TNNT2: variants seen among roughly 807,000 people sequenced by gnomAD.
TNNT2 encodes the protein troponin T2, cardiac type, also known as troponin T, cardiac muscle.
Under a neutral mutation model 62.4 loss-of-function variants are expected in TNNT2, and 34 were observed. The observed-to-expected ratio is 0.54, with a 90% confidence interval of 0.41 to 0.72. The LOEUF (loss-of-function observed/expected upper bound fraction) is 0.72, where lower values mean the gene tolerates loss of function less well. Among genes scored for constraint, TNNT2 ranks in the 30% least tolerant of loss-of-function variants. The pLI, the probability that TNNT2 is intolerant of heterozygous loss-of-function variation, is 0.00. For missense variants in TNNT2, 275 were observed against 381.9 expected (o/e 0.72, Z 2.33); for synonymous variants, 123 against 127.2 (o/e 0.97, Z 0.22).
chr1:201,369,941 G>T, intron 4 of TNNT2, 96 bp from the exon 5 acceptor site: 1 of 1,406,124 alleles, frequency 7.1e-7, no homozygotes, highest in East Asian at 2.3e-5. Context: ...CCAGCGCAGT[G>T]GTTTTAAGAG....
chr1:201,365,253 C>T lies in TNNT2; in HGVS notation c.349G>A (p.Glu117Lys), dbSNP rs730881099. ...KDLNELQALI[E>K]AHFENRKKEE... The stretch of plus-strand genomic sequence containing the variant: ...TTCTTCCTGTTCTCAAAGTGAGCCT[C>T]GATCAGCGCCTGCAACTCATTCAGG... The change falls in exon 10 of 17, where the codon GAG (glutamate) becomes AAG (lysine). Residue 117 changes from glutamate (E) to lysine (K), a missense_variant. By Grantham distance (56) the Glu-to-Lys change is moderately conservative. Coordinates refer to ENST00000656932, the MANE Select transcript of TNNT2 (RefSeq NM_001276345.2). 1 of 1,614,066 alleles carries T rather than the reference C, an allele frequency of 6.2e-7. No individual in the cohort carries two copies. The highest frequency in any genetic ancestry group is 1.3e-5 in the African/African-American group (1 of 74,918).
chr1:201,370,600 G>A (rs533382253), intron 4 of TNNT2, among the ~76,000 whole-genome samples: 10 of 152,338 alleles, frequency 6.6e-5, no homozygotes, highest in Admixed American at 3.9e-4. Context: ...CCATCTAGAC[G>A]TTGCTCTCTC....
chr1:201,376,493 G>A (rs895638051), intron 1 of TNNT2, among the ~76,000 whole-genome samples: 1 of 152,112 alleles, frequency 6.6e-6, no homozygotes, highest in Admixed American at 6.5e-5. Context: ...CCAGGAGAGC[G>A]GGGGTAAGGG....
chr1:201,365,781 C>T (rs963541430), intron 8 of TNNT2, 111 bp from the exon 9 acceptor site: 10 of 1,552,946 alleles, frequency 6.4e-6, no homozygotes, highest in Middle Eastern at 1.7e-4. Flanking sequence ...AGCACTGCCC[C>T]GACCAACCAC....
At position 201,365,621 on chromosome 1, in the gene TNNT2, C is replaced by A. The variant is rs1659515084; in HGVS notation, c.283G>T (p.Val95Leu). The change falls in exon 9 of 17, where the codon GTG becomes TTG. Residue 95 changes from valine to leucine, a missense_variant. Val to Leu is a conservative substitution (Grantham distance 32, BLOSUM62 1). Coordinates refer to ENST00000656932, the MANE Select transcript of TNNT2 (RefSeq NM_001276345.2). ...VPPKIPDGER[V>L]DFDDIHRKRM... Reference sequence around the variant, plus strand: ...CAGCCACCGCTTACATCAAAGTCCACTCTCTCTCCATCGGGGATCTTGGGA... The same window carrying A: ...CAGCCACCGCTTACATCAAAGTCCAATCTCTCTCCATCGGGGATCTTGGGA... 2 of 1,614,030 alleles carry A rather than the reference C, an allele frequency of 1.2e-6. No homozygotes were observed. Among genetic ancestry groups the A allele is most frequent in the East Asian group, 4.5e-5 (2 of 44,882 alleles).
At chr1:201,359,455 G>T (rs1261447961) in intron 16 of TNNT2, among the ~76,000 whole-genome samples, 168 bp downstream of exon 16, 1 of 152,056 alleles carries the variant, frequency 6.6e-6, no homozygotes, top group African/African-American at 2.4e-5. Flanking sequence ...AGAGGCCACA[G>T]GGAGAGAAGC....
At position 201,365,276 on chromosome 1, in the gene TNNT2, A is replaced by G; in HGVS notation, c.326T>C (p.Leu109Pro). Residue 109 changes from leucine to proline, a missense_variant, in exon 10 of 17, where the codon CTG becomes CCG. Physicochemically the swap from Leu to Pro is moderately conservative, Grantham distance 98 (BLOSUM62 -3). Transcript: ENST00000656932. Reference protein sequence around the residue: ...DIHRKRMEKDLNELQALIEAH... With the variant: ...DIHRKRMEKDPNELQALIEAH... ...CTCGATCAGCGCCTGCAACTCATTC[A>G]GGTCCTTCTCCATGCGCTTCCGGTG... 6.2e-7 allele frequency: 1 copy of G among 1,614,172 alleles called. No individual in the cohort carries two copies. Among genetic ancestry groups the G allele is most frequent in the Non-Finnish European group, 8.5e-7 (1 of 1,180,018 alleles).
rs139705141 is a variant in TNNT2 at position 201,373,245 on chromosome 1, T to C, written c.10A>G (p.Ile4Val). Residue 4 changes from isoleucine to valine, a missense_variant, in exon 2 of 17, where the codon ATA becomes GTA. Physicochemically the swap from Ile to Val is conservative, Grantham distance 29. Coordinates refer to ENST00000656932, the MANE Select transcript of TNNT2 (RefSeq NM_001276345.2). ...TCGTACTCTTCCACCACCTCTTCTA[T>C]GTCAGACATGGTCTCTGCTCTCCCT... is the stretch of plus-strand genomic sequence containing the variant. MSD[I>V]EEVVEEYEEE... 1 of 1,614,128 alleles carries C rather than the reference T, an allele frequency of 6.2e-7. No individual in the cohort carries two copies. The highest frequency in any genetic ancestry group is 1.3e-5 in the African/African-American group (1 of 75,036).
At chr1:201,363,713 G>C (rs549885986) in intron 11 of TNNT2, 7 of 427,104 alleles carry the variant, frequency 1.6e-5, no homozygotes, top group Non-Finnish European at 2.6e-5. Context: ...AGAGAGCTAC[G>C]GGGCCTTCGG....
chr1:201,365,531 A>G, intron 9 of TNNT2, 79 bp downstream of exon 9: 2 of 1,515,256 alleles, frequency 1.3e-6, no homozygotes, highest in Non-Finnish European at 1.8e-6. Flanking sequence ...CCCCAGCCCA[A>G]GGTCACAAAA....
In TNNT2 at chr1:201,362,544, T is replaced by C; in HGVS notation, c.601-150A>G. The C allele has an allele frequency of 3.0e-6, 3 of 1,010,188 alleles. 1 individual carries two copies. In the South Asian group the frequency reaches 4.7e-5, roughly 16 times the overall value. 62.6% of individuals were successfully genotyped at this position (1,010,188 alleles called of 1,614,324 possible). ...GTAGTCAGCCGGGTTTACTAGGACG[T>C]GGGTCTGAGGGTTACAGCAGGGGCT... On this transcript the variant is annotated intron_variant, in intron 12 of 16. Coordinates refer to ENST00000656932, the MANE Select transcript of TNNT2 (RefSeq NM_001276345.2).
chr1:201,370,150 G>T (rs1392963073), intron 4 of TNNT2, among the ~76,000 whole-genome samples: 8 of 152,380 alleles, frequency 5.3e-5, no homozygotes, highest in African/African-American at 1.9e-4. Flanking sequence ...CACAAGAGGA[G>T]CATGCGATCT....
chr1:201,366,784 T>A, intron 8 of TNNT2, 54 bp downstream of exon 8: 1 of 1,613,738 alleles, frequency 6.2e-7, no homozygotes, highest in Non-Finnish European at 8.5e-7. Flanking sequence ...TCCATCATCA[T>A]CCTCTCTCCC....
At chr1:201,371,895 A>G (rs1660659075) in intron 4 of TNNT2, 132 bp downstream of exon 4, 1 of 1,209,764 alleles carries the variant, frequency 8.3e-7, no homozygotes, top group Non-Finnish European at 1.2e-6. Flanking sequence ...TTTAGAAGGC[A>G]CTGTTGTTGG....
chr1:201,367,001 G>A (rs1481986426), intron 7 of TNNT2, 130 bp from the exon 8 acceptor site: 1 of 1,494,518 alleles, frequency 6.7e-7, no homozygotes, highest in African/African-American at 1.4e-5. Flanking sequence ...CCCGGCACTG[G>A]GGAGCCCTGA....
At position 201,377,620 on chromosome 1, in the gene TNNT2, T is replaced by C. The variant is rs1661586356; in HGVS notation, c.-15+3A>G. On this transcript the variant is annotated splice_donor_region_variant and intron_variant, in intron 1 of 16. Coordinates refer to ENST00000656932, the MANE Select transcript of TNNT2 (RefSeq NM_001276345.2). The stretch of plus-strand genomic sequence containing the variant: ...CTTCCCCAGAGCCCTGCCCGAGCCT[T>C]ACCTCAGAACAGCAGCTGCCGACAG... 2.2e-6 allele frequency: 1 copy of C among 456,138 alleles called. No individual in the cohort carries two copies. The highest frequency in any genetic ancestry group is 2.0e-5 in the African/African-American group (1 of 50,060). The allele number at this position is 456,138 out of a possible 1,614,324, so 28.3% of individuals were successfully genotyped here. A position where few individuals can be genotyped will look rare whatever the true frequency, so the allele number is the denominator to read the frequency against.
chr1:201,361,875 G>T, intron 14 of TNNT2, 38 bp downstream of exon 14: 1 of 1,580,680 alleles, frequency 6.3e-7, no homozygotes, highest in South Asian at 1.1e-5. Context: ...CAGAGCAGAT[G>T]CGGGCAGTGC....
chr1:201,364,182 C>T, intron 11 of TNNT2, 116 bp downstream of exon 11: 2 of 1,174,770 alleles, frequency 1.7e-6, no homozygotes, highest in Non-Finnish European at 2.4e-6. Flanking sequence ...CCGCACCCGG[C>T]CAATATTGTC....
At chr1:201,367,006 C>T in intron 7 of TNNT2, 135 bp from the exon 8 acceptor site, 1 of 1,458,260 alleles carries the variant, frequency 6.9e-7, no homozygotes, top group Non-Finnish European at 9.4e-7. Flanking sequence ...CACTGGGGAG[C>T]CCTGATTCCA....
Sources: allele counts gnomAD v4.1 joint callset (sites outside exome capture counted in the v4.1 genomes callset), GRCh38; gene constraint gnomAD v4.1.1; transcripts MANE v1.5; gene names NCBI Gene and HGNC (gene_info 2026-07-23, HGNC 2026-07-21).